Variants in CMIP observed in about 807,000 individuals in gnomAD.
CMIP encodes the protein c-Maf inducing protein.
Under a neutral mutation model 97.3 loss-of-function variants are expected in CMIP, and 13 were observed. The observed-to-expected ratio is 0.13, with a 90% CI of 0.09 to 0.21. The LOEUF (loss-of-function observed/expected upper bound fraction) is 0.21, where lower values mean the gene tolerates loss of function less well. CMIP is among the 10% of genes least tolerant of loss of function. The pLI is 1.00. For missense variants in CMIP, 847 were observed against 1,024.9 expected (o/e 0.83, Z 2.37); for synonymous variants, 538 against 436.3 (o/e 1.23, Z -2.91).
chr16:81,552,029 G>C (rs903500149), intron 1 of CMIP, among the ~76,000 whole-genome samples: 2 of 152,216 alleles, frequency 1.3e-5, no homozygotes, highest in African/African-American at 4.8e-5. Context: ...CTCGGCGGCA[G>C]GGGCAGGGAG....
chr16:81,671,980 C>T lies in CMIP; in HGVS notation c.944C>T (p.Thr315Ile). The T allele has an allele frequency of 6.3e-7, 1 of 1,588,522 alleles. No homozygotes were observed. Among genetic ancestry groups the T allele is most frequent in the South Asian group, 1.1e-5 (1 of 87,784 alleles). The change falls in exon 9 of 21, where the codon ACA (threonine) becomes ATA (isoleucine). Residue 315 changes from threonine to isoleucine, a missense_variant. By Grantham distance (89) the Thr-to-Ile change is moderately conservative. Transcript: ENST00000537098. ...KKFIQSMHGP[T>I]GHCPHPRVLP... The stretch of plus-strand genomic sequence containing the variant: ...CTTTTTTCCAGCATGCACGGCCCCA[C>T]AGGGCACTGCCCCCACCCCCGGGTC...
chr16:81,660,731 C>CTT (rs66465921), intron 5 of CMIP, among the ~76,000 whole-genome samples, 153 bp from the exon 6 acceptor site: 3 of 151,312 alleles, frequency 2.0e-5, no homozygotes, highest in African/African-American at 2.4e-5. Flanking sequence ...TTTTTCTTTT[C>CTT]TTTTTTTTTC....
At chr16:81,649,298 G>A (rs2092400734) in intron 3 of CMIP, among the ~76,000 whole-genome samples, 1 of 152,264 alleles carries the variant, frequency 6.6e-6, no homozygotes, top group Non-Finnish European at 1.5e-5. Flanking sequence ...GAAAGCTGTT[G>A]TCCTCCCCGC....
intron 1 of CMIP, among the ~76,000 whole-genome samples, chr16:81,560,944 A>T (rs180729270): frequency 6.6e-6 from 1 of 152,192 alleles, no homozygotes; most frequent in Admixed American, 6.5e-5. Context: ...ACCTATCCCC[A>T]TTGTTAAGAG....
intron 1 of CMIP, among the ~76,000 whole-genome samples, chr16:81,550,204 A>G (rs1165716218): frequency 1.3e-5 from 2 of 152,194 alleles, no homozygotes; most frequent in Non-Finnish European, 2.9e-5. Context: ...TTTAATACCC[A>G]GCTTTGCCAG....
chr16:81,677,826 G>A (rs1278675895), intron 9 of CMIP, among the ~76,000 whole-genome samples: 1 of 152,188 alleles, frequency 6.6e-6, no homozygotes, highest in Non-Finnish European at 1.5e-5. Context: ...GGAGGACATT[G>A]TGGCATGAGG....
chr16:81,573,359 A>T (rs1597103907), intron 1 of CMIP, among the ~76,000 whole-genome samples: 1 of 152,230 alleles, frequency 6.6e-6, no homozygotes, highest in Admixed American at 6.5e-5. Flanking sequence ...ATAAAAAAAA[A>T]AAAAAGGCAT....
chr16:81,621,034 G>C lies in CMIP; in HGVS notation c.477+108G>C. 2 of 1,412,454 alleles carry C rather than the reference G, an allele frequency of 1.4e-6. No individual in the cohort carries two copies. The highest frequency in any genetic ancestry group is 2.4e-5 in the East Asian group (1 of 42,214). 87.5% of individuals were successfully genotyped at this position (1,412,454 alleles called of 1,614,324 possible). Reference sequence around the variant, plus strand: ...GAAAGTGGAGAACTCATGCCTTCCAGATGGCTCAGCTGAGGAACTTTGTTC... The same window carrying C: ...GAAAGTGGAGAACTCATGCCTTCCACATGGCTCAGCTGAGGAACTTTGTTC... On this transcript the variant is annotated intron_variant, in intron 3 of 20. Transcript: ENST00000537098. The surrounding 1 kb of genome is among the most constrained non-coding windows in gnomAD (Gnocchi z 4.1).
At chr16:81,694,981 A>G (rs1906539007) in intron 13 of CMIP, among the ~76,000 whole-genome samples, 1 of 152,218 alleles carries the variant, frequency 6.6e-6, no homozygotes, top group Non-Finnish European at 1.5e-5. Context: ...AGCGTCTCAG[A>G]ATTCTCCTGG....
intron 10 of CMIP, among the ~76,000 whole-genome samples, chr16:81,680,404 TGTGAAG>T (rs1245768144): frequency 1.3e-5 from 2 of 152,216 alleles, no homozygotes; most frequent in African/African-American, 4.8e-5. Flanking sequence ...CTGTGGTGTC[TGTGAAG>T]GTGAACATGC....
At chr16:81,581,243 G>A (rs2091291346) in intron 1 of CMIP, among the ~76,000 whole-genome samples, 1 of 152,174 alleles carries the variant, frequency 6.6e-6, no homozygotes, top group African/African-American at 2.4e-5. Context: ...GAGCATTCTT[G>A]TACAAGTGTA....
intron 1 of CMIP, among the ~76,000 whole-genome samples, chr16:81,564,530 A>T (rs2090944746): frequency 6.6e-6 from 1 of 152,224 alleles, no homozygotes; most frequent in South Asian, 2.1e-4. Context: ...GGAAAATAAG[A>T]GAATGAGAAG....
chr16:81,611,376 G>T (rs1367095500), intron 2 of CMIP: 1 of 152,134 alleles, frequency 6.6e-6, no homozygotes, highest in African/African-American at 2.4e-5. Flanking sequence ...AATGCAGTCT[G>T]CACCCTGCTG....
intron 3 of CMIP, among the ~76,000 whole-genome samples, chr16:81,638,046 A>C (rs2092258866): frequency 6.6e-6 from 1 of 152,092 alleles, no homozygotes; most frequent in Non-Finnish European, 1.5e-5. Context: ...ACTGGGGATT[A>C]GGTTTCAATA....
chr16:81,668,951 C>T (rs1332744165), intron 7 of CMIP, among the ~76,000 whole-genome samples: 1 of 145,448 alleles, frequency 6.9e-6, no homozygotes, highest in Admixed American at 6.8e-5. Flanking sequence ...CACCTCACAC[C>T]TTCCACACCC....
intron 1 of CMIP, among the ~76,000 whole-genome samples, chr16:81,575,013 G>C (rs1567588587): frequency 6.6e-6 from 1 of 152,182 alleles, no homozygotes; most frequent in Non-Finnish European, 1.5e-5. Flanking sequence ...GATACTCATT[G>C]CTCCCATTTA....
At chr16:81,587,718 C>G (rs1163615177) in intron 1 of CMIP, among the ~76,000 whole-genome samples, 1 of 152,200 alleles carries the variant, frequency 6.6e-6, no homozygotes, top group African/African-American at 2.4e-5. Context: ...CCTGAAGTGA[C>G]CAAACCTGTC....
At chr16:81,479,682 C>G (rs1908142165) in intron 1 of CMIP, among the ~76,000 whole-genome samples, 1 of 152,056 alleles carries the variant, frequency 6.6e-6, no homozygotes, top group Non-Finnish European at 1.5e-5. Flanking sequence ...TAAAATCAAC[C>G]ATTTTAAAGT....
intron 9 of CMIP, among the ~76,000 whole-genome samples, chr16:81,674,519 T>C (rs1382693595): frequency 6.6e-6 from 1 of 152,174 alleles, no homozygotes; most frequent in African/African-American, 2.4e-5. Context: ...TGTAATGATA[T>C]CATATTGATA....
Sources: allele counts gnomAD v4.1 joint callset (sites outside exome capture counted in the v4.1 genomes callset), GRCh38; gene constraint gnomAD v4.1.1; non-coding constraint Gnocchi (gnomAD v3.1); transcripts MANE v1.5; gene names NCBI Gene and HGNC (gene_info 2026-07-23, HGNC 2026-07-21).